CHD8: variants seen among roughly 807,000 people sequenced by gnomAD.
The protein encoded by CHD8 is chromodomain helicase DNA binding protein 8.
Under a neutral mutation model 279.2 loss-of-function variants are expected in CHD8, and 31 were observed. The ratio of observed to expected loss-of-function variants is 0.11; its 90% CI spans 0.08 to 0.15. CHD8 has a LOEUF of 0.15. CHD8 is among the 10% of genes least tolerant of loss of function. The probability of loss-of-function intolerance (pLI) is 1.00; values close to 1 mark genes in which losing one functional copy is unlikely to be tolerated. For synonymous variants in CHD8, 1,081 were observed against 1,139.6 expected, an observed-to-expected ratio of 0.95 and a Z score of 1.04; for missense variants, 2,146 against 3,230.5, an observed-to-expected ratio of 0.66 and a Z score of 8.14.
chr14:21,392,448 G>C, intron 34 of CHD8, 59 bp downstream of exon 34: 1 of 1,514,022 alleles, frequency 6.6e-7, no homozygotes, highest in Non-Finnish European at 8.9e-7. Flanking sequence ...AGTAAAATTA[G>C]TTACAGCAAG....
At chr14:21,414,040 G>GT in intron 9 of CHD8, 1 of 365,152 alleles carries the variant, frequency 2.7e-6, no homozygotes, top group Non-Finnish European at 5.0e-6. Flanking sequence ...AGCAGTCAGT[G>GT]TATCATCAGT....
chr14:21,453,901 A>G (rs1437884026), intron 1 of CHD8, among the ~76,000 whole-genome samples: 1 of 151,756 alleles, frequency 6.6e-6, no homozygotes, highest in East Asian at 1.9e-4. Flanking sequence ...CATGCCTGTA[A>G]TCCCAGCACT....
At chr14:21,442,055 T>A (rs1161181490) in intron 1 of CHD8, among the ~76,000 whole-genome samples, 1 of 152,188 alleles carries the variant, frequency 6.6e-6, no homozygotes, top group Non-Finnish European at 1.5e-5. Flanking sequence ...AAGTGGAGAT[T>A]ACCCAGGGAA....
At chr14:21,442,417 A>G (rs1311803892) in intron 1 of CHD8, among the ~76,000 whole-genome samples, 1 of 151,956 alleles carries the variant, frequency 6.6e-6, no homozygotes, top group African/African-American at 2.4e-5. Context: ...GTGAGTCAAG[A>G]CTGTGCCACT....
intron 1 of CHD8, among the ~76,000 whole-genome samples, chr14:21,441,814 G>A (rs1029848340): frequency 3.3e-5 from 5 of 152,270 alleles, no homozygotes; most frequent in South Asian, 2.1e-4. Context: ...GCATGAACCC[G>A]GGAGGCGGAG....
At chr14:21,417,491 G>C (rs1033244129) in intron 5 of CHD8, among the ~76,000 whole-genome samples, 19 of 152,228 alleles carry the variant, frequency 1.2e-4, no homozygotes, top group African/African-American at 4.6e-4. Flanking sequence ...TGAGGTGGCA[G>C]GATCACTCAA....
At chr14:21,393,080 T>A in intron 33 of CHD8, 26 bp downstream of exon 33, 1 of 1,608,690 alleles carries the variant, frequency 6.2e-7, no homozygotes, top group Non-Finnish European at 8.5e-7. Flanking sequence ...GGACTCTACA[T>A]GTCCAGGGAT....
intron 5 of CHD8, among the ~76,000 whole-genome samples, chr14:21,423,056 C>T (rs1444175226): frequency 6.6e-6 from 1 of 151,236 alleles, no homozygotes; most frequent in African/African-American, 2.4e-5. Context: ...ACCCTGTCTA[C>T]TAAAAATATA....
intron 14 of CHD8, among the ~76,000 whole-genome samples, chr14:21,406,615 T>TG (rs1330187497): frequency 6.6e-6 from 1 of 152,220 alleles, no homozygotes; most frequent in Admixed American, 6.5e-5. Flanking sequence ...TATTTTGTTA[T>TG]GCAGTAATAA....
At chr14:21,435,059 G>T (rs1334484145) in intron 1 of CHD8, among the ~76,000 whole-genome samples, 2 of 152,154 alleles carry the variant, frequency 1.3e-5, no homozygotes, top group Non-Finnish European at 2.9e-5. Context: ...ATCATATTAA[G>T]AATGAAAAGC....
intron 1 of CHD8, among the ~76,000 whole-genome samples, chr14:21,432,338 T>A (rs1889598869): frequency 6.6e-6 from 1 of 152,104 alleles, no homozygotes; most frequent in African/African-American, 2.4e-5. Context: ...ATAACCACCT[T>A]TAACCAAGGC....
At position 21,395,078 on chromosome 14, in the gene CHD8, C is replaced by A. The variant is rs1405068764; in HGVS notation, c.5224G>T (p.Gly1742Cys). 5.0e-6 allele frequency: 8 copies of A among 1,613,822 alleles called. No individual in the cohort carries two copies. The highest frequency in any genetic ancestry group is 1.7e-5 in the Admixed American group (1 of 59,994). ...QQPGHLFWPP[G>C]SALTARLRRL... is the part of the protein sequence containing the mutation. Reference sequence around the variant, plus strand: ...CGAAGCCTAGCTGTTAGGGCAGAGCCCGGAGGCCAGAATAAATGGCCTGGC... The same window carrying A: ...CGAAGCCTAGCTGTTAGGGCAGAGCACGGAGGCCAGAATAAATGGCCTGGC... The change falls in exon 30 of 38, where the codon GGC (glycine) becomes TGC (cysteine). Residue 1742 changes from glycine to cysteine, a missense_variant. Gly to Cys is a radical substitution (Grantham distance 159). This residue lies in a region of CHD8 where 11 missense variants were observed against 35.6 expected (regional missense o/e 0.31). Transcript: ENST00000646647.
intron 13 of CHD8, 131 bp from the exon 14 acceptor site, chr14:21,407,163 C>T (rs1363505274): frequency 1.5e-6 from 1 of 662,468 alleles, no homozygotes; most frequent in African/African-American, 1.8e-5. Context: ...ACCTCCACCG[C>T]TGTTTATCTT....
intron 1 of CHD8, among the ~76,000 whole-genome samples, chr14:21,440,103 AAC>A (rs1354907724): frequency 6.6e-6 from 1 of 152,218 alleles, no homozygotes; most frequent in East Asian, 1.9e-4. Flanking sequence ...GCAGTATGAC[AAC>A]AGTGACAAAT....
At position 21,385,390 on chromosome 14, in the gene CHD8, G is replaced by C; in HGVS notation, c.*223C>G. 3.0e-6 allele frequency: 2 copies of C among 674,062 alleles called. 1 individual carries two copies. Among genetic ancestry groups the C allele is most frequent in the Non-Finnish European group, 4.7e-6 (2 of 423,734 alleles). The allele number at this position is 674,062 out of a possible 1,614,324, so 41.8% of individuals were successfully genotyped here. ...TGCTCTAGTCTCCTTTCCTTCCCCA[G>C]AAATGAGGAAGTGGTCATGTATTAT... On this transcript the variant is annotated 3_prime_UTR_variant, in exon 38 of 38. Transcript: ENST00000646647.
At position 21,408,237 on chromosome 14, in the gene CHD8, T is replaced by C; in HGVS notation, c.2730+75A>G. ...ACTTTCAATAAAAGTCTTCTATTCATATATAGCCCTTAAAATACCAGGTAC... is the reference window on the plus strand; with the variant it reads ...ACTTTCAATAAAAGTCTTCTATTCACATATAGCCCTTAAAATACCAGGTAC... On this transcript the variant is annotated intron_variant, in intron 13 of 37. Transcript: ENST00000646647. The surrounding 1 kb of genome is among the most constrained non-coding windows in gnomAD (Gnocchi z 4.3). The C allele has an allele frequency of 6.5e-7, 1 of 1,534,454 alleles. No individual in the cohort carries two copies. Among genetic ancestry groups the C allele is most frequent in the Non-Finnish European group, 8.8e-7 (1 of 1,132,066 alleles).
In CHD8 at chr14:21,395,309, T is replaced by C; in HGVS notation, c.5171A>G (p.Asp1724Gly). 10 of 1,608,386 alleles carry C rather than the reference T, an allele frequency of 6.2e-6. No homozygotes were observed. Among genetic ancestry groups the C allele is most frequent in the Non-Finnish European group, 8.5e-6 (10 of 1,176,414 alleles). Reference sequence around the variant, plus strand: ...ACCTAGAAGTTTACCTTCATCTCCATCAATCACTGAGATCTCCTCATCCAT... The same window carrying C: ...ACCTAGAAGTTTACCTTCATCTCCACCAATCACTGAGATCTCCTCATCCAT... ...MMMDEEISVIDGDEAQVTQQP... is the reference protein window; with the variant it reads ...MMMDEEISVIGGDEAQVTQQP... Residue 1724 changes from aspartate (D) to glycine (G), a missense_variant, in exon 29 of 38, where the codon GAT becomes GGT. This residue lies in a region of CHD8 where 75 missense variants were observed against 81.3 expected (regional missense o/e 0.92). Transcript: ENST00000646647.
chr14:21,429,167 C>G lies in CHD8; in HGVS notation c.1012G>C (p.Val338Leu), dbSNP rs1411615952. The G allele has an allele frequency of 1.2e-6, 2 of 1,613,866 alleles. No homozygotes were observed. The highest frequency in any genetic ancestry group is 2.7e-5 in the African/African-American group (2 of 74,916). Residue 338 changes from valine to leucine, a missense_variant, in exon 3 of 38, where the codon GTA becomes CTA. This residue lies in a region of CHD8 where 170 missense variants were observed against 189.9 expected (regional missense o/e 0.90). Transcript: ENST00000646647. ...TGCTGCACCTGCAGCTGGATAGTTA[C>G]TACCTTGGCAGGCTGCCCTTGGGCA... ...KNAQGQPAKVVTIQLQVQQPQ... is the reference protein window; with the variant it reads ...KNAQGQPAKVLTIQLQVQQPQ...
chr14:21,413,136 T>C (rs1888572354), intron 9 of CHD8, 140 bp from the exon 10 acceptor site: 12 of 645,488 alleles, frequency 1.9e-5, no homozygotes, highest in South Asian at 1.8e-4. Flanking sequence ...GTTCTCCTTT[T>C]TCATAACAGC....
Sources: gnomAD v4.1 joint callset for allele counts (sites outside exome capture counted in the v4.1 genomes callset) on GRCh38, gnomAD v4.1.1 for gene constraint, gnomAD v4.1.1 regional missense constraint, Gnocchi (gnomAD v3.1) non-coding constraint, MANE v1.5 for transcripts, NCBI Gene and HGNC (gene_info 2026-07-23, HGNC 2026-07-21) for gene names.